ZNF804B: variants seen among roughly 807,000 people sequenced by gnomAD.
ZNF804B encodes zinc finger 804B.
A neutral mutation model predicts 101.4 loss-of-function variants in ZNF804B; 80 were observed. The observed-to-expected ratio is 0.79, with a 90% CI of 0.66 to 0.95. ZNF804B has a LOEUF of 0.95. ZNF804B is among the 40% of genes least tolerant of loss of function. The probability of loss-of-function intolerance (pLI) is 0.00; values close to 1 mark genes in which losing one functional copy is unlikely to be tolerated. For synonymous variants in ZNF804B, 622 were observed against 558.8 expected (o/e 1.11, Z -1.59); for missense variants, 1,673 against 1,561.9 (o/e 1.07, Z -1.20).
At chr7:89,016,572 C>T (rs936028601) in intron 1 of ZNF804B, among the ~76,000 whole-genome samples, 3 of 148,558 alleles carry the variant, frequency 2.0e-5, no homozygotes, top group South Asian at 2.1e-4. Flanking sequence ...CCAGTTTTGC[C>T]GGCACCATTT....
chr7:89,333,932 C>T lies in ZNF804B; in HGVS notation c.950C>T (p.Ser317Leu). The T allele has an allele frequency of 6.2e-7, 1 of 1,613,564 alleles. No homozygotes were observed. Residue 317 changes from serine to leucine, a missense_variant, in exon 4 of 4, where the codon TCA becomes TTA. Ser to Leu is a moderately radical substitution (Grantham distance 145, BLOSUM62 -2). Transcript: ENST00000333190. Reference sequence around the variant, plus strand: ...TCTATTGATGAGACACTAGAAGATTCAATTGGCATTCATGCTTCATTCTCT... The same window carrying T: ...TCTATTGATGAGACACTAGAAGATTTAATTGGCATTCATGCTTCATTCTCT... ...HDSIDETLED[S>L]IGIHASFSKS...
intron 1 of ZNF804B, among the ~76,000 whole-genome samples, chr7:89,090,012 G>C (rs1479513498): frequency 6.6e-6 from 1 of 152,060 alleles, no homozygotes; most frequent in Non-Finnish European, 1.5e-5. Context: ...TTTACGGACA[G>C]TAAAATAAAT....
chr7:89,040,540 T>C (rs1254185608), intron 1 of ZNF804B, among the ~76,000 whole-genome samples: 2 of 152,210 alleles, frequency 1.3e-5, no homozygotes, highest in African/African-American at 4.8e-5. Context: ...TAGTCGTATG[T>C]CTATGTTCTC....
chr7:89,049,055 G>C (rs574227499), intron 1 of ZNF804B, among the ~76,000 whole-genome samples: 3 of 151,638 alleles, frequency 2.0e-5, no homozygotes, highest in Non-Finnish European at 2.9e-5. Context: ...TTTCCCAAAC[G>C]CATTTGCTTT....
chr7:88,778,801 T>C (rs1363080853), intron 1 of ZNF804B, among the ~76,000 whole-genome samples: 1 of 152,182 alleles, frequency 6.6e-6, no homozygotes, highest in East Asian at 1.9e-4. Flanking sequence ...TGCCTAGCAT[T>C]GTACTAGCTG....
At chr7:88,904,430 A>C (rs538885472) in intron 1 of ZNF804B, among the ~76,000 whole-genome samples, 95 of 152,120 alleles carry the variant, frequency 6.2e-4, no homozygotes, top group Non-Finnish European at 1.0e-3. Context: ...TGCTTTGGCT[A>C]TTCAGGCCTT....
At chr7:88,819,451 G>T (rs1359775516) in intron 1 of ZNF804B, among the ~76,000 whole-genome samples, 8 of 151,970 alleles carry the variant, frequency 5.3e-5, no homozygotes, top group Non-Finnish European at 1.0e-4. Flanking sequence ...CATTTTCTAT[G>T]TCTCCTTGAT....
chr7:89,050,111 A>C (rs1192283153), intron 1 of ZNF804B, among the ~76,000 whole-genome samples: 4 of 152,204 alleles, frequency 2.6e-5, no homozygotes, highest in Admixed American at 2.6e-4. Flanking sequence ...TGGCTCTTCT[A>C]GGTCCAAAGT....
chr7:88,958,841 C>T (rs1260994669), intron 1 of ZNF804B, among the ~76,000 whole-genome samples: 1 of 151,444 alleles, frequency 6.6e-6, no homozygotes, highest in Non-Finnish European at 1.5e-5. Flanking sequence ...CTACGGCACT[C>T]ATTTCAATCT....
chr7:88,816,009 T>A (rs1401575302), intron 1 of ZNF804B, among the ~76,000 whole-genome samples: 1 of 152,182 alleles, frequency 6.6e-6, no homozygotes, highest in East Asian at 1.9e-4. Flanking sequence ...CTTGCTATCC[T>A]ACTCCGACTC....
chr7:89,013,848 A>T (rs1052035992), intron 1 of ZNF804B, among the ~76,000 whole-genome samples: 4 of 152,172 alleles, frequency 2.6e-5, no homozygotes, highest in African/African-American at 7.2e-5. Flanking sequence ...TAGGTTCCAC[A>T]TATGAATGAG....
At chr7:88,930,014 T>C (rs2116017285) in intron 1 of ZNF804B, among the ~76,000 whole-genome samples, 1 of 152,042 alleles carries the variant, frequency 6.6e-6, no homozygotes, top group East Asian at 1.9e-4. Flanking sequence ...TTTGGTTCTA[T>C]TCAGTGTAAT....
At chr7:89,056,564 T>C (rs1013575639) in intron 1 of ZNF804B, among the ~76,000 whole-genome samples, 1 of 152,110 alleles carries the variant, frequency 6.6e-6, no homozygotes, top group Admixed American at 6.6e-5. Context: ...GCCTTTTTCT[T>C]GCAGTATTTT....
chr7:88,776,555 G>GTTTTTTTTTTTTTTTTTTTTTT (rs10630362), intron 1 of ZNF804B, among the ~76,000 whole-genome samples: 1 of 106,456 alleles, frequency 9.4e-6, no homozygotes, highest in African/African-American at 3.3e-5. Context: ...TTCTCGTGGT[G>GTTTTTTTTTTTTTTTTTTTTTT]TTTTGTTTTT....
chr7:89,171,396 T>A (rs1791232443), intron 1 of ZNF804B, among the ~76,000 whole-genome samples: 1 of 118,590 alleles, frequency 8.4e-6, no homozygotes. Context: ...CTCTTCTTCC[T>A]CTTCTTCTTC....
chr7:89,326,718 A>G (rs1406553580), intron 2 of ZNF804B, among the ~76,000 whole-genome samples: 1 of 152,068 alleles, frequency 6.6e-6, no homozygotes, highest in Non-Finnish European at 1.5e-5. Flanking sequence ...ATTAATTAAA[A>G]TAAGTGGTGA....
At chr7:89,063,677 T>C (rs1789409401) in intron 1 of ZNF804B, among the ~76,000 whole-genome samples, 1 of 152,180 alleles carries the variant, frequency 6.6e-6, no homozygotes, top group Non-Finnish European at 1.5e-5. Context: ...GTTTAAAATA[T>C]TTTCTTTGTT....
chr7:88,802,410 G>A (rs1338386519), intron 1 of ZNF804B, among the ~76,000 whole-genome samples: 4 of 151,072 alleles, frequency 2.6e-5, no homozygotes, highest in African/African-American at 7.3e-5. Flanking sequence ...GTTAAAATAC[G>A]TTAAAATTGT....
intron 1 of ZNF804B, among the ~76,000 whole-genome samples, chr7:89,215,020 T>C (rs1369177235): frequency 3.9e-5 from 6 of 152,222 alleles, no homozygotes; most frequent in African/African-American, 1.4e-4. Flanking sequence ...TAGAGATTTC[T>C]ATCCTTATAA....
Sources: allele counts gnomAD v4.1 joint callset (sites outside exome capture counted in the v4.1 genomes callset), GRCh38; gene constraint gnomAD v4.1.1; transcripts MANE v1.5; gene names NCBI Gene and HGNC (gene_info 2026-07-23, HGNC 2026-07-21).